Variants in NTM observed in about 807,000 individuals in gnomAD.
NTM encodes neurotrimin, also known as IgLON family member 2.
In NTM, 13 loss-of-function variants were observed where a neutral mutation model predicts 42.1. The observed-to-expected ratio is 0.31, with a 90% confidence interval of 0.20 to 0.49. The LOEUF (loss-of-function observed/expected upper bound fraction) is 0.49, where lower values mean the gene tolerates loss of function less well. Among genes scored for constraint, NTM ranks in the 20% least tolerant of loss-of-function variants. The pLI, the probability that NTM is intolerant of heterozygous loss-of-function variation, is 0.99. For synonymous variants in NTM, 187 were observed against 179.2 expected, an observed-to-expected ratio of 1.04 and a Z score of -0.35; for missense variants, 373 against 452.8, an observed-to-expected ratio of 0.82 and a Z score of 1.60.
intron 1 of NTM, among the ~76,000 whole-genome samples, chr11:131,846,753 G>A (rs990818207): frequency 7.2e-5 from 11 of 152,082 alleles, no homozygotes; most frequent in Non-Finnish European, 1.2e-4. Flanking sequence ...ACCAGCAAGC[G>A]TACATTTCAG....
At chr11:131,504,534 A>T (rs983737438) in intron 1 of NTM, among the ~76,000 whole-genome samples, 1 of 152,082 alleles carries the variant, frequency 6.6e-6, no homozygotes, top group Non-Finnish European at 1.5e-5. Flanking sequence ...TCCAGCTCCA[A>T]ATAGAATTTG....
intron 1 of NTM, among the ~76,000 whole-genome samples, chr11:131,882,757 G>A (rs1318049524): frequency 6.6e-6 from 1 of 152,188 alleles, no homozygotes; most frequent in Non-Finnish European, 1.5e-5. Context: ...CTGCTTATTT[G>A]TGATGGGTTC....
intron 1 of NTM, among the ~76,000 whole-genome samples, chr11:131,661,780 T>C (rs1053352413): frequency 2.0e-5 from 3 of 152,168 alleles, no homozygotes; most frequent in African/African-American, 7.2e-5. Context: ...CCCCTGTGAG[T>C]TGCCAACAAT....
intron 5 of NTM, 22 bp from the exon 6 acceptor site, chr11:132,310,090 A>AT: frequency 6.4e-7 from 1 of 1,558,406 alleles, no homozygotes; most frequent in Non-Finnish European, 8.6e-7. Context: ...GGGGGCGGCT[A>AT]TGAGACATCT....
intron 4 of NTM, among the ~76,000 whole-genome samples, chr11:132,300,494 G>A (rs1439714392): frequency 2.0e-5 from 3 of 152,192 alleles, no homozygotes; most frequent in Admixed American, 6.5e-5. Flanking sequence ...AGTGCAGCCG[G>A]GGGAAGTGGT....
chr11:132,127,296 T>G (rs914364008), intron 2 of NTM, among the ~76,000 whole-genome samples: 1 of 152,226 alleles, frequency 6.6e-6, no homozygotes, highest in African/African-American at 2.4e-5. Flanking sequence ...TGTATTAATA[T>G]CCTGATAAGC....
chr11:132,180,932 A>G (rs1413639815), intron 3 of NTM, among the ~76,000 whole-genome samples: 1 of 152,218 alleles, frequency 6.6e-6, no homozygotes, highest in Non-Finnish European at 1.5e-5. Context: ...AAGAAGAAAG[A>G]AGTGATCAAT....
chr11:131,525,266 T>A lies in NTM; in HGVS notation c.82+154378T>A, dbSNP rs575740123. On this transcript the variant is annotated intron_variant, in intron 1 of 8. Transcript: ENST00000683400. Reference sequence around the variant, plus strand: ...AACAATCTCTCTCTGAAGTGGGACGTGGGTGCTGACCCCGGTGCCCATCAC... The same window carrying A: ...AACAATCTCTCTCTGAAGTGGGACGAGGGTGCTGACCCCGGTGCCCATCAC... 7.1e-4 allele frequency among the ~76,000 whole-genome samples: 108 copies of A among 152,282 alleles called. No individual in the cohort carries two copies. The South Asian group carries it at 0.011, about 15-fold the overall frequency.
intron 1 of NTM, among the ~76,000 whole-genome samples, chr11:131,635,637 TA>T (rs2064268441): frequency 6.6e-6 from 1 of 152,154 alleles, no homozygotes; most frequent in African/African-American, 2.4e-5. Context: ...TATTATTGAA[TA>T]AAGACTTTTT....
At chr11:131,398,399 G>A (rs1944782939) in intron 1 of NTM, among the ~76,000 whole-genome samples, 1 of 152,054 alleles carries the variant, frequency 6.6e-6, no homozygotes, top group Non-Finnish European at 1.5e-5. Context: ...TACATTTAAT[G>A]TATTTTTTTC....
intron 4 of NTM, among the ~76,000 whole-genome samples, chr11:132,281,993 T>C (rs916662355): frequency 1.3e-5 from 2 of 152,254 alleles, no homozygotes; most frequent in African/African-American, 2.4e-5. Flanking sequence ...TTATGTTTCA[T>C]TGCCAAAAGC....
intron 2 of NTM, among the ~76,000 whole-genome samples, chr11:131,918,299 A>G (rs1339771452): frequency 1.3e-5 from 2 of 152,156 alleles, no homozygotes; most frequent in South Asian, 2.1e-4. Context: ...AATGCTTTCA[A>G]TGCATTTAGC....
rs902848133 is a variant in NTM at position 132,041,573 on chromosome 11, T to C, written c.168-104709T>C. ...TAAACTATAATTCCCCAAGATATATTTCTGTCTCTCAGTGGGTATGAACGT... is the reference window on the plus strand; with the variant it reads ...TAAACTATAATTCCCCAAGATATATCTCTGTCTCTCAGTGGGTATGAACGT... On this transcript the variant is annotated intron_variant, in intron 2 of 8. Coordinates refer to ENST00000683400, the MANE Select transcript of NTM (RefSeq NM_001352005.2). Among the ~76,000 whole-genome samples, 8 of 152,224 alleles carry C rather than the reference T, an allele frequency of 5.3e-5. No individual in the cohort carries two copies. The East Asian group carries it at 1.5e-3, about 29-fold the overall frequency.
chr11:131,972,430 A>G (rs2063693541), intron 2 of NTM, among the ~76,000 whole-genome samples: 1 of 152,184 alleles, frequency 6.6e-6, no homozygotes, highest in Non-Finnish European at 1.5e-5. Flanking sequence ...TGCCTTTTCC[A>G]TTTAGGTAAT....
intron 1 of NTM, among the ~76,000 whole-genome samples, chr11:131,548,349 G>A (rs2136882984): frequency 6.6e-6 from 1 of 152,172 alleles, no homozygotes; most frequent in East Asian, 1.9e-4. Flanking sequence ...TCCAGGTGAT[G>A]CCTCAAGGAA....
At chr11:131,959,490 G>T (rs2061906429) in intron 2 of NTM, among the ~76,000 whole-genome samples, 1 of 152,070 alleles carries the variant, frequency 6.6e-6, no homozygotes, top group Non-Finnish European at 1.5e-5. Context: ...AAAAAAATTA[G>T]CCAGGTGTAG....
chr11:132,169,547 G>T (rs1217385799), intron 3 of NTM, among the ~76,000 whole-genome samples: 1 of 151,614 alleles, frequency 6.6e-6, no homozygotes, highest in African/African-American at 2.4e-5. Context: ...GTGTTAGCCA[G>T]GATGGTCTTG....
intron 4 of NTM, among the ~76,000 whole-genome samples, chr11:132,219,636 C>G (rs559117923): frequency 6.6e-5 from 10 of 152,158 alleles, no homozygotes; most frequent in Admixed American, 2.6e-4. Flanking sequence ...CCCTCCCCCC[C>G]CACTGTCTTC....
chr11:132,059,913 A>G (rs765060538), intron 2 of NTM, among the ~76,000 whole-genome samples: 5 of 152,098 alleles, frequency 3.3e-5, no homozygotes, highest in South Asian at 2.1e-4. Context: ...CCCTCCTGCA[A>G]TGGGTTCTCT....
Sources: gnomAD v4.1 joint callset for allele counts (sites outside exome capture counted in the v4.1 genomes callset) on GRCh38, gnomAD v4.1.1 for gene constraint, MANE v1.5 for transcripts, NCBI Gene and HGNC (gene_info 2026-07-23, HGNC 2026-07-21) for gene names.